The following RBFOX1 variants were observed in gnomAD, a reference collection of about 807,000 sequenced individuals.
RBFOX1 encodes the protein RNA binding protein fox-1 homolog 1.
In RBFOX1, 8 loss-of-function variants were observed where a neutral mutation model predicts 57.7. The ratio of observed to expected loss-of-function variants is 0.14; its 90% CI spans 0.08 to 0.25. The LOEUF is 0.25. Among genes scored for constraint, RBFOX1 ranks in the 10% least tolerant of loss-of-function variants. RBFOX1 has a pLI of 1.00. For missense variants in RBFOX1, 611 were observed against 548.5 expected (o/e 1.11, Z -1.14); for synonymous variants, 326 against 222.4 (o/e 1.47, Z -4.15).
intron 3 of RBFOX1, among the ~76,000 whole-genome samples, chr16:5,813,860 A>C (rs1482972771): frequency 5.3e-5 from 8 of 152,214 alleles, no homozygotes; most frequent in Non-Finnish European, 1.5e-5. Flanking sequence ...CTTTATATAG[A>C]ATTAAACATC....
intron 2 of RBFOX1, among the ~76,000 whole-genome samples, chr16:5,524,513 G>C (rs1198592536): frequency 6.7e-6 from 1 of 150,186 alleles, no homozygotes; most frequent in Non-Finnish European, 1.5e-5. Flanking sequence ...GTAGTACCCA[G>C]TAGTGGGATT....
chr16:6,293,998 C>G (rs1190428213), intron 1 of RBFOX1, among the ~76,000 whole-genome samples: 1 of 152,104 alleles, frequency 6.6e-6, no homozygotes, highest in African/African-American at 2.4e-5. Flanking sequence ...GCCTTATCCT[C>G]TAAATATTTA....
At chr16:6,385,248 A>C (rs968395658) in intron 2 of RBFOX1, among the ~76,000 whole-genome samples, 3 of 152,248 alleles carry the variant, frequency 2.0e-5, no homozygotes, top group African/African-American at 7.2e-5. Context: ...GGCAGTATGC[A>C]TAGTTAAGGA....
At chr16:7,432,940 G>A (rs1386133560) in intron 4 of RBFOX1, among the ~76,000 whole-genome samples, 2 of 152,222 alleles carry the variant, frequency 1.3e-5, no homozygotes, top group East Asian at 3.9e-4. Flanking sequence ...GTGTCAAGTG[G>A]CATTTTCGAA....
intron 3 of RBFOX1, among the ~76,000 whole-genome samples, chr16:6,751,496 C>T (rs1482913846): frequency 6.6e-6 from 1 of 152,164 alleles, no homozygotes; most frequent in Admixed American, 6.6e-5. Flanking sequence ...TACAGCAACT[C>T]TTTGCCTCAC....
At chr16:6,942,268 A>G (rs1417694256) in intron 3 of RBFOX1, among the ~76,000 whole-genome samples, 1 of 152,230 alleles carries the variant, frequency 6.6e-6, no homozygotes, top group African/African-American at 2.4e-5. Context: ...TGACCGAGTG[A>G]GACTCCATCT....
chr16:7,369,262 AGCTCTCGGGG>A (rs1232892398), intron 4 of RBFOX1, among the ~76,000 whole-genome samples: 1 of 151,356 alleles, frequency 6.6e-6, no homozygotes, highest in Non-Finnish European at 1.5e-5. Flanking sequence ...ATGTTCCTGC[AGCTCTCGGGG>A]GCTGACCATG....
chr16:5,994,279 A>G (rs942802741), intron 4 of RBFOX1, among the ~76,000 whole-genome samples: 8 of 152,224 alleles, frequency 5.3e-5, no homozygotes, highest in African/African-American at 1.9e-4. Context: ...CTCATGCTTC[A>G]GCCTCCTTAG....
chr16:6,620,362 T>C (rs1268725753), intron 2 of RBFOX1, among the ~76,000 whole-genome samples: 1 of 152,176 alleles, frequency 6.6e-6, no homozygotes, highest in Non-Finnish European at 1.5e-5. Flanking sequence ...AAGAGGGAAA[T>C]GTATAGCACT....
chr16:5,977,053 A>T (rs923838742), intron 4 of RBFOX1, among the ~76,000 whole-genome samples: 2 of 152,160 alleles, frequency 1.3e-5, no homozygotes, highest in Non-Finnish European at 2.9e-5. Flanking sequence ...GACACAGGGC[A>T]TCAGAATCTC....
At chr16:7,644,242 A>G (rs561869761) in intron 11 of RBFOX1, among the ~76,000 whole-genome samples, 1 of 152,184 alleles carries the variant, frequency 6.6e-6, no homozygotes, top group South Asian at 2.1e-4. Context: ...GAAAGTGAAG[A>G]TAGCAACAAT....
At chr16:5,490,751 A>G (rs1444568159) in intron 2 of RBFOX1, among the ~76,000 whole-genome samples, 1 of 152,172 alleles carries the variant, frequency 6.6e-6, no homozygotes, top group Non-Finnish European at 1.5e-5. Flanking sequence ...GAGATCATGA[A>G]GCTGCCGCGC....
At chr16:5,612,531 A>T (rs958324216) in intron 3 of RBFOX1, among the ~76,000 whole-genome samples, 24 of 152,264 alleles carry the variant, frequency 1.6e-4, no homozygotes, top group African/African-American at 5.8e-4. Flanking sequence ...AAGGTAGATA[A>T]TGGCTCTGAG....
At chr16:6,724,160 C>T (rs1329002401) in intron 3 of RBFOX1, among the ~76,000 whole-genome samples, 1 of 151,626 alleles carries the variant, frequency 6.6e-6, no homozygotes, top group East Asian at 1.9e-4. Flanking sequence ...CTTTACAGAC[C>T]TCCTTGCCTT....
chr16:6,106,164 C>G (rs1189680751), intron 1 of RBFOX1, among the ~76,000 whole-genome samples: 1 of 152,038 alleles, frequency 6.6e-6, no homozygotes, highest in East Asian at 1.9e-4. Context: ...TATCAAGAAT[C>G]AGGTAGTTTT....
intron 4 of RBFOX1, among the ~76,000 whole-genome samples, chr16:7,197,864 A>C (rs1403860682): frequency 6.6e-6 from 1 of 152,186 alleles, no homozygotes; most frequent in African/African-American, 2.4e-5. Context: ...CAGAATAGGA[A>C]AATTCACAGA....
At chr16:6,170,078 C>T (rs547394688) in intron 1 of RBFOX1, among the ~76,000 whole-genome samples, 9 of 152,194 alleles carry the variant, frequency 5.9e-5, no homozygotes, top group Admixed American at 1.3e-4. Flanking sequence ...AGTTAGGTTG[C>T]GGTTTGTCCA....
chr16:7,521,911 C>T (rs28613993), intron 5 of RBFOX1, among the ~76,000 whole-genome samples: 8,236 of 152,248 alleles, frequency 0.054, 306 homozygotes, highest in South Asian at 0.13. Flanking sequence ...TTGGCTTCCT[C>T]GTCCTCACCT....
chr16:6,183,721 C>A (rs905123568), intron 1 of RBFOX1, among the ~76,000 whole-genome samples: 1 of 152,048 alleles, frequency 6.6e-6, no homozygotes, highest in Non-Finnish European at 1.5e-5. Flanking sequence ...GACTTCTTGT[C>A]ATATCCACAG....
Sources: allele counts gnomAD v4.1 joint callset (sites outside exome capture counted in the v4.1 genomes callset), GRCh38; gene constraint gnomAD v4.1.1; transcripts MANE v1.5; gene names NCBI Gene and HGNC (gene_info 2026-07-23, HGNC 2026-07-21).